Variants in CRACD observed in about 807,000 individuals in gnomAD.
CRACD encodes capping protein-inhibiting regulator of actin dynamics.
CRACD carries 56 observed loss-of-function variants against 106.8 expected under a neutral mutation model. The ratio of observed to expected loss-of-function variants is 0.52; its 90% CI spans 0.42 to 0.66. The LOEUF (loss-of-function observed/expected upper bound fraction) is 0.66. Ranked by LOEUF, CRACD falls within the 30% of genes least tolerant of loss-of-function variation. The pLI is 0.00. For missense variants in CRACD, 1,730 were observed against 1,623.2 expected (o/e 1.07, Z -1.13); for synonymous variants, 754 against 670.8 (o/e 1.12, Z -1.92).
intron 1 of CRACD, among the ~76,000 whole-genome samples, chr4:56,135,038 C>G (rs1035960468): frequency 4.0e-5 from 6 of 151,870 alleles, no homozygotes; most frequent in Non-Finnish European, 8.8e-5. Context: ...AATCCCAGCT[C>G]TTTGGGAGCC....
rs1482743927 is a variant in CRACD, at chr4:56,314,220, G to C, written c.718G>C (p.Ala240Pro). Residue 240 changes from alanine to proline, a missense_variant, in exon 8 of 11, where the codon GCG (alanine) becomes CCG (proline). Ala to Pro is a conservative substitution (Grantham distance 27). This residue lies in a region of CRACD where 1,620 missense variants were observed against 1,481.6 expected (regional missense o/e 1.09). Transcript: ENST00000682029. This position sits in a 1 kb window ranked among gnomAD's most constrained non-coding sequence, Gnocchi z 4.4. ...GGAGGCCAAGTGCAAGCGGCAAAAGGCGGAAGCAGCCGAGAAGAGACGCCT... is the reference window on the plus strand; with the variant it reads ...GGAGGCCAAGTGCAAGCGGCAAAAGCCGGAAGCAGCCGAGAAGAGACGCCT... ...ELEAKCKRQK[A>P]EAAEKRRLEE... 1 of 1,603,722 alleles carries C rather than the reference G, an allele frequency of 6.2e-7. No individual in the cohort carries two copies.
chr4:56,118,467 G>T (rs1302176483), intron 1 of CRACD, among the ~76,000 whole-genome samples: 1 of 152,206 alleles, frequency 6.6e-6, no homozygotes, highest in East Asian at 1.9e-4. Flanking sequence ...AGTAAGTGGG[G>T]CAGTCGAGCC....
At position 56,307,696 on chromosome 4, in the gene CRACD, C is replaced by T. The variant is rs774154395; in HGVS notation, c.282C>T (p.Asn94=). Residue 94 remains asparagine (N), a synonymous_variant, in exon 5 of 11, where the codon AAC becomes AAT. Coordinates refer to ENST00000682029, the MANE Select transcript of CRACD (RefSeq NM_001393381.1). ...ACATCGTCCTCTCAGACGCAGAGAA[C>T]AAGGTAAGTCTCCTCCAGGGAATGA... is the stretch of plus-strand genomic sequence containing the variant. ...QQDIVLSDAE[N]KSSDTPSSLS... The T allele has an allele frequency of 3.1e-6, 5 of 1,614,060 alleles. No homozygotes were observed. In the South Asian group the frequency reaches 5.5e-5, roughly 18 times the overall value.
chr4:56,310,581 C>CT, intron 5 of CRACD, 85 bp from the exon 6 acceptor site: 1 of 973,576 alleles, frequency 1.0e-6, no homozygotes, highest in Non-Finnish European at 1.7e-6. Flanking sequence ...AGGGGGTGAC[C>CT]CTACCCAGGC....
intron 2 of CRACD, among the ~76,000 whole-genome samples, chr4:56,229,676 A>G (rs190393493): frequency 6.6e-6 from 1 of 152,332 alleles, no homozygotes; most frequent in Admixed American, 6.5e-5. Context: ...GATGCTTCTT[A>G]GCTGTTACAA....
At chr4:56,120,907 A>G (rs573312503) in intron 1 of CRACD, among the ~76,000 whole-genome samples, 2 of 152,362 alleles carry the variant, frequency 1.3e-5, no homozygotes, top group Admixed American at 6.5e-5. Flanking sequence ...ACGGAATAAC[A>G]GAGGTTTGTC....
Position 56,323,442 on chromosome 4 carries a change from G to T in CRACD, c.3253G>T (p.Ala1085Ser). The T allele has an allele frequency of 6.2e-7, 1 of 1,611,792 alleles. No individual in the cohort carries two copies. The highest frequency in any genetic ancestry group is 8.5e-7 in the Non-Finnish European group (1 of 1,179,414). Residue 1085 changes from alanine (A) to serine (S), a missense_variant, in exon 9 of 11, where the codon GCT becomes TCT. This residue lies in a region of CRACD where 1,620 missense variants were observed against 1,481.6 expected (regional missense o/e 1.09). Transcript: ENST00000682029. ...CAAACTTACAGAGAAAGTGGAAACT[G>T]CTCAGCCGCTGTGGATAACGTTAGC... ...GSKLTEKVET[A>S]QPLWITLALQ... is the part of the protein sequence containing the mutation.
rs1029740707 is a variant in CRACD, at chr4:56,204,332, C to T, written c.-189+24902C>T. On this transcript the variant is annotated intron_variant, in intron 2 of 10. Transcript: ENST00000682029. ...AACAGAATACCCACAGACTTTAACTCGAAAAGAAAAGAAATTTATTTCTTA... is the reference window on the plus strand; with the variant it reads ...AACAGAATACCCACAGACTTTAACTTGAAAAGAAAAGAAATTTATTTCTTA... Among the ~76,000 whole-genome samples the T allele has an allele frequency of 3.3e-5, 5 of 152,268 alleles. No individual in the cohort carries two copies. The South Asian group carries it at 8.3e-4, about 25-fold the overall frequency.
chr4:56,193,119 G>A (rs543427002), intron 2 of CRACD, among the ~76,000 whole-genome samples: 1 of 152,320 alleles, frequency 6.6e-6, no homozygotes, highest in South Asian at 2.1e-4. Flanking sequence ...CAAAGGAAGA[G>A]CAAAGGGATG....
intron 2 of CRACD, among the ~76,000 whole-genome samples, chr4:56,199,681 C>CAAA (rs372264328): frequency 6.9e-5 from 7 of 101,258 alleles, no homozygotes; most frequent in Non-Finnish European, 1.1e-4. Context: ...AACTCCGTCT[C>CAAA]AAAAAAAAAA....
At chr4:56,256,008 C>A (rs886557709) in intron 2 of CRACD, among the ~76,000 whole-genome samples, 1 of 152,158 alleles carries the variant, frequency 6.6e-6, no homozygotes, top group Admixed American at 6.5e-5. Context: ...GATAGGGATG[C>A]TGTTTGGAGT....
chr4:56,291,566 C>T (rs1743706169), intron 3 of CRACD, among the ~76,000 whole-genome samples: 1 of 152,164 alleles, frequency 6.6e-6, no homozygotes, highest in South Asian at 2.1e-4. Flanking sequence ...AAATAATCTA[C>T]ATTGTAGAGT....
At chr4:56,098,163 T>C (rs1054742458) in intron 1 of CRACD, among the ~76,000 whole-genome samples, 3 of 152,240 alleles carry the variant, frequency 2.0e-5, no homozygotes, top group South Asian at 4.1e-4. Flanking sequence ...ACAAATGTGT[T>C]ACTGTAGACA....
chr4:56,190,163 G>C lies in CRACD; in HGVS notation c.-189+10733G>C, dbSNP rs530897383. 2.0e-5 allele frequency among the ~76,000 whole-genome samples: 3 copies of C among 151,662 alleles called. No homozygotes were observed. The East Asian group carries it at 5.8e-4, about 29-fold the overall frequency. On this transcript the variant is annotated intron_variant, in intron 2 of 10. Transcript: ENST00000682029. ...AGGACATGAACTCATCATTTTTTAT[G>C]GCTGCATAGTATTCCATGGTGTATA...
chr4:56,330,190 C>CT lies in CRACD; in HGVS notation c.*2400dup, dbSNP rs34984806. Among the ~76,000 whole-genome samples, 106 of 147,932 alleles carry CT rather than the reference C, an allele frequency of 7.2e-4. No homozygotes were observed. Among genetic ancestry groups the CT allele is most frequent in the African/African-American group, 1.9e-3 (78 of 40,450 alleles). Reference sequence around the variant, plus strand: ...GAATGATCACTATGTTAAATGCAAACTTTTTTTTTTTTTTATTTAAACAAA... The same window carrying CT: ...GAATGATCACTATGTTAAATGCAAACTTTTTTTTTTTTTTTATTTAAACAAA... On this transcript the variant is annotated 3_prime_UTR_variant, in exon 11 of 11. Coordinates refer to ENST00000682029, the MANE Select transcript of CRACD (RefSeq NM_001393381.1).
intron 2 of CRACD, among the ~76,000 whole-genome samples, chr4:56,191,742 G>C (rs892490674): frequency 6.6e-6 from 1 of 152,194 alleles, no homozygotes; most frequent in Non-Finnish European, 1.5e-5. Flanking sequence ...CACCATGTAC[G>C]ACGTTATTTC....
intron 8 of CRACD, among the ~76,000 whole-genome samples, chr4:56,319,223 G>A (rs151267399): frequency 4.8e-4 from 73 of 152,206 alleles, no homozygotes; most frequent in African/African-American, 1.7e-3. Context: ...CTTCCCTGGA[G>A]ATTCTTTAAA....
At chr4:56,201,783 G>A (rs1737893872) in intron 2 of CRACD, among the ~76,000 whole-genome samples, 2 of 152,140 alleles carry the variant, frequency 1.3e-5, no homozygotes. Flanking sequence ...AACTATGAGA[G>A]TGTAATTCAT....
At chr4:56,058,614 G>A (rs960158875) in intron 1 of CRACD, among the ~76,000 whole-genome samples, 4 of 152,168 alleles carry the variant, frequency 2.6e-5, no homozygotes, top group Non-Finnish European at 5.9e-5. Flanking sequence ...AGTTTTGTGA[G>A]CATAATGGTC....
Sources: gnomAD v4.1 joint callset for allele counts (sites outside exome capture counted in the v4.1 genomes callset) on GRCh38, gnomAD v4.1.1 for gene constraint, gnomAD v4.1.1 regional missense constraint, Gnocchi (gnomAD v3.1) non-coding constraint, MANE v1.5 for transcripts, NCBI Gene and HGNC (gene_info 2026-07-23, HGNC 2026-07-21) for gene names.